Variants in AMPD3 observed in about 807,000 individuals in gnomAD.
AMPD3 encodes AMP deaminase 3.
A neutral mutation model predicts 82.3 loss-of-function variants in AMPD3; 57 were observed. The observed-to-expected ratio is 0.69, with a 90% CI of 0.56 to 0.86. The LOEUF (loss-of-function observed/expected upper bound fraction) is 0.86, where lower values mean the gene tolerates loss of function less well. AMPD3 is among the 40% of genes least tolerant of loss of function. The pLI, the probability that AMPD3 is intolerant of heterozygous loss-of-function variation, is 0.00. For synonymous variants in AMPD3, 381 were observed against 394.7 expected, an observed-to-expected ratio of 0.97 and a Z score of 0.41; for missense variants, 870 against 1,003.8, an observed-to-expected ratio of 0.87 and a Z score of 1.80.
chr11:10,452,086 C>T (rs148717237), upstream of AMPD3, among the ~76,000 whole-genome samples: 28 of 152,296 alleles, frequency 1.8e-4, no homozygotes, highest in East Asian at 3.1e-3. Flanking sequence ...ACTCTTTGAC[C>T]TCTCAGTCCC....
intron 10 of AMPD3, among the ~76,000 whole-genome samples, chr11:10,497,401 G>A (rs1357292531): frequency 1.3e-5 from 2 of 152,148 alleles, no homozygotes; most frequent in African/African-American, 2.4e-5. Context: ...TTTCCCTTCC[G>A]GATCCAGTTG....
At chr11:10,465,099 A>C (rs1355676075) in intron 2 of AMPD3, among the ~76,000 whole-genome samples, 1 of 152,280 alleles carries the variant, frequency 6.6e-6, no homozygotes, top group Non-Finnish European at 1.5e-5. Flanking sequence ...TGTGAGAATT[A>C]AATGAGCGAA....
rs1849416511 is a variant in AMPD3 at position 10,496,804 on chromosome 11, T to A, written c.1431-8T>A. On this transcript the variant is annotated splice_polypyrimidine_tract_variant and splice_region_variant and intron_variant, in intron 9 of 14. Coordinates refer to ENST00000396553, the MANE Select transcript of AMPD3 (RefSeq NM_001025389.2). ...CCACCTGACAAGCGAGTCTTTGCTG[T>A]CCCCCAGTGACATATTTAGGTCAAA... 6.2e-7 allele frequency: 1 copy of A among 1,614,070 alleles called. No homozygotes were observed. Among genetic ancestry groups the A allele is most frequent in the Non-Finnish European group, 8.5e-7 (1 of 1,180,014 alleles).
At chr11:10,476,309 G>A (rs1310485219) in intron 2 of AMPD3, among the ~76,000 whole-genome samples, 1 of 152,174 alleles carries the variant, frequency 6.6e-6, no homozygotes, top group East Asian at 1.9e-4. Flanking sequence ...CTCAACTGAA[G>A]ACCAAGGTTG....
intron 4 of AMPD3, among the ~76,000 whole-genome samples, chr11:10,482,516 TTTTTC>T: frequency 6.6e-6 from 1 of 151,998 alleles, no homozygotes; most frequent in Non-Finnish European, 1.5e-5. Context: ...GGGAATTTTT[TTTTTC>T]TTTTTTTTTG....
chr11:10,486,501 T>A, intron 5 of AMPD3: 1 of 961,128 alleles, frequency 1.0e-6, no homozygotes, highest in Non-Finnish European at 1.2e-6. Context: ...CTTTGCTGGC[T>A]GATAAATCAT....
intron 4 of AMPD3, 105 bp downstream of exon 4, chr11:10,482,330 G>GAAAGA: frequency 7.4e-7 from 1 of 1,360,042 alleles, no homozygotes; most frequent in Non-Finnish European, 1.0e-6. Context: ...ATTTTAAAAT[G>GAAAGA]ACAATGTTCT....
At chr11:10,460,851 C>T (rs141472896) in intron 1 of AMPD3, 17 of 978,116 alleles carry the variant, frequency 1.7e-5, no homozygotes, top group African/African-American at 7.0e-5. Context: ...AATCAGTATG[C>T]GAGGAGGTGG....
At chr11:10,481,290 TG>T (rs1231485796) in intron 3 of AMPD3, 2 of 269,260 alleles carry the variant, frequency 7.4e-6, no homozygotes, top group African/African-American at 2.3e-5. Context: ...AATTTGCTTT[TG>T]CTTCTTGTTT....
chr11:10,478,801 G>A (rs1036352970), intron 3 of AMPD3, 71 bp downstream of exon 3: 16 of 1,516,268 alleles, frequency 1.1e-5, no homozygotes, highest in South Asian at 2.3e-5. Context: ...CCACAGGGTC[G>A]TGCCTCCCTC....
intron 4 of AMPD3, among the ~76,000 whole-genome samples, chr11:10,483,429 C>G (rs1848971813): frequency 6.6e-6 from 1 of 152,220 alleles, no homozygotes; most frequent in South Asian, 2.1e-4. Flanking sequence ...CTTTGAGCAT[C>G]TGGGGCCCTA....
intron 5 of AMPD3, chr11:10,486,804 G>A (rs1427456133): frequency 2.0e-6 from 2 of 985,322 alleles, no homozygotes; most frequent in Admixed American, 6.2e-5. Context: ...TAGAAAAGAG[G>A]AAGGAAAGGA....
In AMPD3 at chr11:10,505,698, T is replaced by C; in HGVS notation, c.2128-10T>C. 6.2e-7 allele frequency: 1 copy of C among 1,613,154 alleles called. No homozygotes were observed. Among genetic ancestry groups the C allele is most frequent in the Non-Finnish European group, 8.5e-7 (1 of 1,179,998 alleles). On this transcript the variant is annotated splice_polypyrimidine_tract_variant and intron_variant, in intron 14 of 14. Coordinates refer to ENST00000396553, the MANE Select transcript of AMPD3 (RefSeq NM_001025389.2). ...TATATAGTTTCATTTGTATTTCTCT[T>C]GGTCCACAGGAAAAGCAAAAGTTTC... is the stretch of plus-strand genomic sequence containing the variant.
intron 3 of AMPD3, among the ~76,000 whole-genome samples, chr11:10,479,155 G>A (rs1174047530): frequency 6.6e-6 from 1 of 152,120 alleles, no homozygotes. Flanking sequence ...TTATATGTAG[G>A]TTCAATACCC....
In AMPD3 at chr11:10,494,968, C is replaced by T. The variant is rs766280048; in HGVS notation, c.1204C>T (p.Arg402Cys). 39 of 1,614,102 alleles carry T rather than the reference C, an allele frequency of 2.4e-5. No homozygotes were observed. The highest frequency in any genetic ancestry group is 4.5e-5 in the East Asian group (2 of 44,896). The change falls in exon 8 of 15, where the codon CGT becomes TGT. Residue 402 changes from arginine (R) to cysteine (C), a missense_variant. By Grantham distance (180) the Arg-to-Cys change is radical. Coordinates refer to ENST00000396553, the MANE Select transcript of AMPD3 (RefSeq NM_001025389.2). The part of the protein sequence containing the change: ...KYNPVGASEL[R>C]DLYLKTENYL... Reference sequence around the variant, plus strand: ...CAACCCTGTGGGGGCCAGTGAGCTGCGTGACCTGTATTTGAAAACTGAAAA... The same window carrying T: ...CAACCCTGTGGGGGCCAGTGAGCTGTGTGACCTGTATTTGAAAACTGAAAA...
At chr11:10,504,433 C>T (rs1849660555) in intron 13 of AMPD3, 116 bp from the exon 14 acceptor site, 1 of 1,123,852 alleles carries the variant, frequency 8.9e-7, no homozygotes, top group Admixed American at 1.7e-5. Context: ...ATCCAGGTGC[C>T]ATTTAGTGAG....
intron 5 of AMPD3, 90 bp downstream of exon 5, chr11:10,485,129 G>T: frequency 7.9e-7 from 1 of 1,262,656 alleles, no homozygotes; most frequent in African/African-American, 1.5e-5. Context: ...CTGCCCTGGG[G>T]TCCCCTGTAC....
chr11:10,503,816 A>G (rs1849641897), intron 13 of AMPD3: 3 of 256,760 alleles, frequency 1.2e-5, no homozygotes. Context: ...ATATGTAAAA[A>G]TAGAAATCTT....
chr11:10,484,576 C>G, intron 4 of AMPD3: 1 of 889,946 alleles, frequency 1.1e-6, no homozygotes, highest in South Asian at 5.2e-5. Context: ...ATTAAAGTCT[C>G]TGCCTGCATG....
Sources: allele counts gnomAD v4.1 joint callset (sites outside exome capture counted in the v4.1 genomes callset), GRCh38; gene constraint gnomAD v4.1.1; transcripts MANE v1.5; gene names NCBI Gene and HGNC (gene_info 2026-07-23, HGNC 2026-07-21).